PHF20L1: variants seen among roughly 807,000 people sequenced by gnomAD.
PHF20L1 encodes PHD finger protein 20 like 1.
Under a neutral mutation model 125.5 loss-of-function variants are expected in PHF20L1, and 44 were observed. The ratio of observed to expected loss-of-function variants is 0.35; its 90% CI spans 0.28 to 0.45. The LOEUF (loss-of-function observed/expected upper bound fraction) is 0.45. Ranked by LOEUF, PHF20L1 falls within the 20% of genes least tolerant of loss-of-function variation. PHF20L1 has a pLI of 1.00. For missense variants in PHF20L1, 1,012 were observed against 1,217.2 expected, an observed-to-expected ratio of 0.83 and a Z score of 2.51; for synonymous variants, 380 against 403.1, an observed-to-expected ratio of 0.94 and a Z score of 0.69.
rs77716388 is a variant in PHF20L1 at position 132,776,868 on chromosome 8, A to T, written c.-37-924A>T. ...CAATTTACATTCTTAATTATGAGTT[A>T]TGTTTTGATTAGGTTATCTCAAAAT... On this transcript the variant is annotated intron_variant, in intron 1 of 20. Coordinates refer to ENST00000395386, the MANE Select transcript of PHF20L1 (RefSeq NM_016018.5). 8.8e-3 allele frequency among the ~76,000 whole-genome samples: 1,339 copies of T among 152,282 alleles called. 39 individuals are homozygous for T. The highest frequency in any genetic ancestry group is 0.087 in the East Asian group (451 of 5,174).
rs1417110908 is a variant in PHF20L1, at chr8:132,803,946, C to T, written c.635C>T (p.Pro212Leu). 1.2e-6 allele frequency: 2 copies of T among 1,611,946 alleles called. No individual in the cohort carries two copies. The highest frequency in any genetic ancestry group is 1.7e-5 in the Admixed American group (1 of 59,860). Residue 212 changes from proline (P) to leucine (L), a missense_variant, in exon 7 of 21, where the codon CCT (proline) becomes CTT (leucine). Pro to Leu is a moderately conservative substitution (Grantham distance 98). Transcript: ENST00000395386. Reference protein sequence around the residue: ...DKDERKWFKVPSKKEETSTCI... With the variant: ...DKDERKWFKVLSKKEETSTCI... Reference sequence around the variant, plus strand: ...GATGAGAGAAAGTGGTTTAAAGTACCTTCAAAGAAGGAGGAAACTTCAACT... The same window carrying T: ...GATGAGAGAAAGTGGTTTAAAGTACTTTCAAAGAAGGAGGAAACTTCAACT...
chr8:132,779,020 A>G (rs1259464426), intron 2 of PHF20L1, among the ~76,000 whole-genome samples: 2 of 152,206 alleles, frequency 1.3e-5, no homozygotes, highest in Admixed American at 6.5e-5. Flanking sequence ...GTTTAGTCAT[A>G]ATATTTGACT....
chr8:132,840,650 A>G (rs1358039893), intron 18 of PHF20L1, among the ~76,000 whole-genome samples: 1 of 151,984 alleles, frequency 6.6e-6, no homozygotes, highest in Non-Finnish European at 1.5e-5. Context: ...CATAATCCCT[A>G]AATGAAGCAA....
chr8:132,842,276 A>G (rs1361424498), intron 18 of PHF20L1: 3 of 353,044 alleles, frequency 8.5e-6, no homozygotes, highest in African/African-American at 6.5e-5. Flanking sequence ...GTATCAAATG[A>G]TGATGTGAAC....
intron 18 of PHF20L1, 39 bp from the exon 19 acceptor site, chr8:132,842,476 T>A (rs1441720157): frequency 2.0e-6 from 3 of 1,529,282 alleles, no homozygotes; most frequent in African/African-American, 1.4e-5. Context: ...TAGATTTTTT[T>A]TTTTTTCTGA....
chr8:132,824,017 A>T lies in PHF20L1; in HGVS notation c.1593A>T (p.Thr531=). 6.3e-7 allele frequency: 1 copy of T among 1,598,414 alleles called. No homozygotes were observed. The highest frequency in any genetic ancestry group is 8.6e-7 in the Non-Finnish European group (1 of 1,168,320). Residue 531 remains threonine, a synonymous_variant, in exon 13 of 21, where the codon ACA becomes ACT. Transcript: ENST00000395386. ...CCTAACCCACAGGAATATCGAAAAC[A>T]GAAAAAAAAGTGAAATTGGAAGACA... ...GAPAAAGISK[T]EKKVKLEDKS...
chr8:132,837,357 CTG>C (rs1424913586), intron 16 of PHF20L1, among the ~76,000 whole-genome samples: 3 of 152,066 alleles, frequency 2.0e-5, no homozygotes, highest in Non-Finnish European at 4.4e-5. Flanking sequence ...GGTATAGACA[CTG>C]CTACCAACTT....
At chr8:132,777,465 G>A (rs1214045419) in intron 1 of PHF20L1, among the ~76,000 whole-genome samples, 1 of 152,262 alleles carries the variant, frequency 6.6e-6, no homozygotes, top group African/African-American at 2.4e-5. Flanking sequence ...AGCTCTCCCC[G>A]TGGAGAATTT....
At chr8:132,798,178 A>G (rs939944707) in intron 4 of PHF20L1, among the ~76,000 whole-genome samples, 1 of 152,106 alleles carries the variant, frequency 6.6e-6, no homozygotes, top group Admixed American at 6.6e-5. Flanking sequence ...GGTGAATGCC[A>G]TTGGGTGTAG....
At chr8:132,794,992 A>G (rs113072086) in intron 4 of PHF20L1, among the ~76,000 whole-genome samples, 175 bp downstream of exon 4, 117 of 152,278 alleles carry the variant, frequency 7.7e-4, no homozygotes, top group African/African-American at 2.6e-3. Flanking sequence ...ATAAAATGCT[A>G]TATGGTTTGC....
At position 132,848,273 on chromosome 8, in the gene PHF20L1, C is replaced by A. The variant is rs1049632989; in HGVS notation, c.*2350C>A. The A allele has an allele frequency of 5.9e-5, 9 of 152,382 alleles. No homozygotes were observed. Among genetic ancestry groups the A allele is most frequent in the Admixed American group, 5.9e-4 (9 of 15,258 alleles). 9.4% of individuals were successfully genotyped at this position (152,382 alleles called of 1,614,324 possible). A position where few individuals can be genotyped will look rare whatever the true frequency, so the allele number is the denominator to read the frequency against. On this transcript the variant is annotated 3_prime_UTR_variant, in exon 21 of 21. Transcript: ENST00000395386. Reference sequence around the variant, plus strand: ...GAAATCTGAATTTTTAAATTTAGATCTTTAAATCAAATTATTTTTATGCAT... The same window carrying A: ...GAAATCTGAATTTTTAAATTTAGATATTTAAATCAAATTATTTTTATGCAT...
At chr8:132,824,637 T>C (rs1835955264) in intron 13 of PHF20L1, 1 of 162,370 alleles carries the variant, frequency 6.2e-6, no homozygotes, top group South Asian at 1.6e-4. Context: ...TGATTTAATT[T>C]GAAATGTAGG....
intron 4 of PHF20L1, among the ~76,000 whole-genome samples, chr8:132,796,749 T>G (rs1832433900): frequency 6.6e-6 from 1 of 152,066 alleles, no homozygotes; most frequent in African/African-American, 2.4e-5. Flanking sequence ...TTATTCACAT[T>G]GGCTTCCGAG....
intron 13 of PHF20L1, 169 bp downstream of exon 13, chr8:132,824,229 C>T (rs1290007884): frequency 2.3e-6 from 1 of 435,094 alleles, no homozygotes; most frequent in Non-Finnish European, 4.2e-6. Flanking sequence ...TTATTAAACA[C>T]ATATCTTGTT....
chr8:132,836,639 A>C lies in PHF20L1; in HGVS notation c.2009A>C (p.Glu670Ala), dbSNP rs1187421323. ...GACTTTGATTCAACCAATTTTGAGG[A>C]ATCTCAGGATGAGGATGATGCTCTT... ...NQDFDSTNFE[E>A]SQDEDDALNE... The change falls in exon 16 of 21, where the codon GAA becomes GCA. Residue 670 changes from glutamate (E) to alanine (A), a missense_variant. Glu to Ala is a moderately radical substitution (Grantham distance 107, BLOSUM62 -1). This residue lies in a region of PHF20L1 where 320 missense variants were observed against 293.8 expected (regional missense o/e 1.09). Transcript: ENST00000395386. 1 of 1,612,964 alleles carries C rather than the reference A, an allele frequency of 6.2e-7. No individual in the cohort carries two copies. Among genetic ancestry groups the C allele is most frequent in the Non-Finnish European group, 8.5e-7 (1 of 1,179,286 alleles).
At chr8:132,818,178 T>C (rs973418218) in intron 12 of PHF20L1, 1 of 151,982 alleles carries the variant, frequency 6.6e-6, no homozygotes. Flanking sequence ...GTTTCCCTTA[T>C]GTGGGTGCAT....
chr8:132,824,912 T>C (rs1172969007), intron 13 of PHF20L1: 9 of 591,028 alleles, frequency 1.5e-5, no homozygotes, highest in South Asian at 3.1e-5. Context: ...AAATTACATA[T>C]GGAAATGCTG....
At chr8:132,796,627 A>G (rs1832420042) in intron 4 of PHF20L1, among the ~76,000 whole-genome samples, 1 of 152,048 alleles carries the variant, frequency 6.6e-6, no homozygotes, top group Non-Finnish European at 1.5e-5. Flanking sequence ...GAGTTGAGAG[A>G]CATCTCAGTT....
chr8:132,830,633 A>T (rs1219908222), intron 14 of PHF20L1, among the ~76,000 whole-genome samples: 1 of 152,106 alleles, frequency 6.6e-6, no homozygotes, highest in South Asian at 2.1e-4. Context: ...AGACATCATC[A>T]GGTGGGAACT....
Sources: allele counts gnomAD v4.1 joint callset (sites outside exome capture counted in the v4.1 genomes callset), GRCh38; gene constraint gnomAD v4.1.1; regional missense constraint gnomAD v4.1.1; transcripts MANE v1.5; gene names NCBI Gene and HGNC (gene_info 2026-07-23, HGNC 2026-07-21).